RAB38: variants seen among roughly 807,000 people sequenced by gnomAD.
RAB38 encodes RAB38, member RAS oncogene family.
In RAB38, 15 loss-of-function variants were observed where a neutral mutation model predicts 18.4. The ratio of observed to expected loss-of-function variants is 0.82; its 90% CI spans 0.55 to 1.26. RAB38 has a LOEUF of 1.26. RAB38 is among the 50% of genes most tolerant of loss of function. The pLI is 0.00. For missense variants in RAB38, 294 were observed against 267.4 expected, an observed-to-expected ratio of 1.10 and a Z score of -0.69; for synonymous variants, 101 against 104.4, an observed-to-expected ratio of 0.97 and a Z score of 0.20.
the RAB38 span, among the ~76,000 whole-genome samples, chr11:87,829,794 G>A: frequency 6.6e-6 from 1 of 152,158 alleles, no homozygotes; most frequent in Non-Finnish European, 1.5e-5. Flanking sequence ...TGTGGATAGT[G>A]AGGTATAAGG....
downstream of RAB38, among the ~76,000 whole-genome samples, chr11:88,109,847 T>A (rs193295371): frequency 1.5e-3 from 236 of 152,264 alleles, no homozygotes; most frequent in African/African-American, 5.0e-3. Flanking sequence ...AGAATGGTGA[T>A]CATTAAAAAT....
the RAB38 span, among the ~76,000 whole-genome samples, chr11:87,838,604 T>C: frequency 6.6e-6 from 1 of 152,190 alleles, no homozygotes; most frequent in Non-Finnish European, 1.5e-5. Context: ...TGGGTGGTCT[T>C]GTTGCCTTTA....
At chr11:87,833,003 C>T in the RAB38 span, among the ~76,000 whole-genome samples, 1 of 152,174 alleles carries the variant, frequency 6.6e-6, no homozygotes, top group African/African-American at 2.4e-5. Context: ...GTCTTTCACA[C>T]GGACTGTTAC....
the RAB38 span, among the ~76,000 whole-genome samples, chr11:88,036,355 G>A: frequency 6.6e-6 from 1 of 152,156 alleles, no homozygotes; most frequent in Non-Finnish European, 1.5e-5. Flanking sequence ...CGCTACCAGA[G>A]TAACATTGCT....
the RAB38 span, among the ~76,000 whole-genome samples, chr11:87,923,184 T>C: frequency 6.6e-6 from 1 of 151,772 alleles, no homozygotes; most frequent in Non-Finnish European, 1.5e-5. Context: ...TGCGTTGGGG[T>C]GGTTGAAGTA....
At chr11:87,938,396 G>A in the RAB38 span, among the ~76,000 whole-genome samples, 3 of 152,152 alleles carry the variant, frequency 2.0e-5, no homozygotes, top group East Asian at 5.8e-4. Flanking sequence ...TGGCTGGTGG[G>A]ATGAACGTCT....
At chr11:88,067,023 T>G in the RAB38 span, among the ~76,000 whole-genome samples, 2 of 152,304 alleles carry the variant, frequency 1.3e-5, 1 homozygote, top group South Asian at 4.1e-4. Context: ...GTGCCTAAAG[T>G]GTTTAGAATA....
chr11:88,063,151 A>G, the RAB38 span, among the ~76,000 whole-genome samples: 1 of 152,202 alleles, frequency 6.6e-6, no homozygotes, highest in African/African-American at 2.4e-5. Flanking sequence ...ACAAAACAAT[A>G]AAACAGAATT....
chr11:87,906,871 C>G, the RAB38 span, among the ~76,000 whole-genome samples: 4 of 151,876 alleles, frequency 2.6e-5, no homozygotes, highest in Non-Finnish European at 1.5e-5. Flanking sequence ...TTTACACCTA[C>G]TAATACAATT....
the RAB38 span, among the ~76,000 whole-genome samples, chr11:87,876,231 A>G: frequency 1.3e-5 from 2 of 151,620 alleles, no homozygotes; most frequent in East Asian, 2.0e-4. Context: ...CTTCTGATCA[A>G]CTACGACATT....
At chr11:87,961,152 G>A in the RAB38 span, among the ~76,000 whole-genome samples, 25 of 152,078 alleles carry the variant, frequency 1.6e-4, no homozygotes, top group East Asian at 5.8e-4. Flanking sequence ...CACTTGTGGC[G>A]TTGGACCTCC....
the RAB38 span, among the ~76,000 whole-genome samples, chr11:88,024,880 G>A: frequency 6.6e-6 from 1 of 150,522 alleles, no homozygotes; most frequent in Non-Finnish European, 1.5e-5. Context: ...GTGTGGGGTG[G>A]GGTGGAGATG....
intron 2 of RAB38, among the ~76,000 whole-genome samples, chr11:88,147,379 G>A (rs1943002177): frequency 6.6e-6 from 1 of 152,134 alleles, no homozygotes; most frequent in Non-Finnish European, 1.5e-5. Flanking sequence ...CACTTACAAT[G>A]TAATGTAATC....
At chr11:88,127,462 T>C (rs1462506246) in intron 2 of RAB38, among the ~76,000 whole-genome samples, 2 of 152,172 alleles carry the variant, frequency 1.3e-5, no homozygotes, top group Non-Finnish European at 2.9e-5. Context: ...CTTCACACAG[T>C]TTGACAACTA....
At chr11:87,893,892 C>T in the RAB38 span, among the ~76,000 whole-genome samples, 1 of 151,770 alleles carries the variant, frequency 6.6e-6, no homozygotes, top group Non-Finnish European at 1.5e-5. Flanking sequence ...TTTTGGCTAT[C>T]CAGTGGTCCC....
chr11:88,065,944 CA>C, the RAB38 span, among the ~76,000 whole-genome samples: 8 of 152,174 alleles, frequency 5.3e-5, no homozygotes, highest in Non-Finnish European at 8.8e-5. Context: ...GAGGACATGT[CA>C]GGCAAGGCTT....
At chr11:87,920,786 A>G in the RAB38 span, among the ~76,000 whole-genome samples, 1 of 152,060 alleles carries the variant, frequency 6.6e-6, no homozygotes, top group Non-Finnish European at 1.5e-5. Context: ...CTTCAGATCT[A>G]TTAATCATTG....
chr11:87,911,889 T>C, the RAB38 span, among the ~76,000 whole-genome samples: 3 of 151,992 alleles, frequency 2.0e-5, no homozygotes, highest in African/African-American at 7.2e-5. Context: ...AGAAATTCTC[T>C]TCTATGTCTA....
chr11:88,024,599 C>T, the RAB38 span, among the ~76,000 whole-genome samples: 1 of 152,090 alleles, frequency 6.6e-6, no homozygotes, highest in African/African-American at 2.4e-5. Flanking sequence ...TTTGTGGTAG[C>T]TCTGTTCATA....
Sources: allele counts gnomAD v4.1 joint callset (sites outside exome capture counted in the v4.1 genomes callset), GRCh38; gene constraint gnomAD v4.1.1; transcripts MANE v1.5; gene names NCBI Gene and HGNC (gene_info 2026-07-23, HGNC 2026-07-21).